Variants in ANKS1B observed in about 807,000 individuals in gnomAD.
ANKS1B encodes the protein ankyrin repeat and sterile alpha motif domain-containing protein 1B.
ANKS1B carries 36 observed loss-of-function variants against 148.3 expected under a neutral mutation model. The ratio of observed to expected loss-of-function variants is 0.24; its 90% CI spans 0.19 to 0.32. The LOEUF (loss-of-function observed/expected upper bound fraction) is 0.32, where lower values mean the gene tolerates loss of function less well. ANKS1B is among the 10% of genes least tolerant of loss of function. The pLI is 1.00. For missense variants in ANKS1B, 1,157 were observed against 1,542.6 expected (o/e 0.75, Z 4.19); for synonymous variants, 542 against 560.8 (o/e 0.97, Z 0.47).
exon 10 of ANKS1B, chr12:98,735,092 T>TGGGAAGAAAGACAAGGTAAC (rs2097767515): frequency 5.0e-6 from 2 of 397,672 alleles, no homozygotes; most frequent in South Asian, 1.3e-4. Context: ...AAAAGAAAAA[T>TGGGAAGAAAGACAAGGTAAC]GGGAAGAAAG....
chr12:99,260,475 C>G (rs1285937480), intron 12 of ANKS1B, among the ~76,000 whole-genome samples: 3 of 152,096 alleles, frequency 2.0e-5, no homozygotes, highest in Non-Finnish European at 4.4e-5. Flanking sequence ...TCAAGAGATA[C>G]TTCATTTCAA....
chr12:99,977,118 TA>T (rs1776456757), intron 1 of ANKS1B, among the ~76,000 whole-genome samples: 1 of 152,130 alleles, frequency 6.6e-6, no homozygotes, highest in African/African-American at 2.4e-5. Context: ...CCTCATGGCC[TA>T]ATCACCTCTA....
chr12:99,280,641 A>T (rs569684652), intron 12 of ANKS1B, among the ~76,000 whole-genome samples: 2 of 152,180 alleles, frequency 1.3e-5, no homozygotes, highest in Non-Finnish European at 2.9e-5. Flanking sequence ...TAGGGCAATC[A>T]GTTGAAGACT....
chr12:99,049,922 G>C (rs1205760151), intron 17 of ANKS1B, among the ~76,000 whole-genome samples: 2 of 152,058 alleles, frequency 1.3e-5, no homozygotes, highest in Non-Finnish European at 2.9e-5. Flanking sequence ...GCTGACTTTT[G>C]TATCAAAGGC....
Position 99,645,665 on chromosome 12 carries a change from A to G in ANKS1B, c.1272+9402T>C, listed in dbSNP as rs576675961. Among the ~76,000 whole-genome samples, 28 of 152,332 alleles carry G rather than the reference A, an allele frequency of 1.8e-4. No homozygotes were observed. The South Asian group carries it at 5.4e-3, about 29-fold the overall frequency. On this transcript the variant is annotated intron_variant, in intron 9 of 26. Coordinates refer to ENST00000683438, the MANE Select transcript of ANKS1B (RefSeq NM_001352186.2). ...CCACACAGAAAGCTGCTGCATTTTCATAAAAGGAATTTCTTAATCTCAAGT... is the reference window on the plus strand; with the variant it reads ...CCACACAGAAAGCTGCTGCATTTTCGTAAAAGGAATTTCTTAATCTCAAGT...
chr12:99,129,000 C>T (rs933662431), intron 15 of ANKS1B, among the ~76,000 whole-genome samples: 6 of 151,992 alleles, frequency 3.9e-5, no homozygotes, highest in Non-Finnish European at 8.8e-5. Flanking sequence ...CAGGTGGGGC[C>T]GTTTCAGGGC....
chr12:99,112,883 G>T (rs1349225452), intron 15 of ANKS1B, among the ~76,000 whole-genome samples: 1 of 152,004 alleles, frequency 6.6e-6, no homozygotes, highest in African/African-American at 2.4e-5. Flanking sequence ...ACATTTATTA[G>T]TTGCTCTTTC....
chr12:99,323,084 T>G (rs865861420), intron 12 of ANKS1B, among the ~76,000 whole-genome samples: 3 of 152,180 alleles, frequency 2.0e-5, no homozygotes, highest in African/African-American at 7.2e-5. Flanking sequence ...TACACTCAGC[T>G]TGAGTTGCTC....
chr12:99,169,166 C>G (rs933123982), intron 14 of ANKS1B, among the ~76,000 whole-genome samples: 1 of 152,038 alleles, frequency 6.6e-6, no homozygotes, highest in African/African-American at 2.4e-5. Context: ...GAATTTATAG[C>G]CTTGTGGAGA....
chr12:99,106,077 C>T (rs1566108856), intron 15 of ANKS1B, among the ~76,000 whole-genome samples: 1 of 152,170 alleles, frequency 6.6e-6, no homozygotes. Context: ...CCTGACAGAT[C>T]CTTTACTAGG....
Position 99,775,673 on chromosome 12 carries a change from C to T in ANKS1B, c.848-12G>A, listed in dbSNP as rs750363983. ...GCCTTCTAAATACTCTGTGTGTATA[C>T]ATTTTTGAGATTACATACTTGAATT... On this transcript the variant is annotated splice_polypyrimidine_tract_variant and intron_variant, in intron 6 of 26. Transcript: ENST00000683438. The T allele has an allele frequency of 4.9e-6, 7 of 1,440,798 alleles. No homozygotes were observed. Among genetic ancestry groups the T allele is most frequent in the Non-Finnish European group, 5.7e-6 (6 of 1,046,568 alleles). 89.3% of individuals were successfully genotyped at this position (1,440,798 alleles called of 1,614,324 possible). A position where few individuals can be genotyped will look rare whatever the true frequency, so the allele number is the denominator to read the frequency against.
At chr12:99,109,484 G>A (rs778576894) in intron 15 of ANKS1B, among the ~76,000 whole-genome samples, 1 of 152,112 alleles carries the variant, frequency 6.6e-6, no homozygotes, top group East Asian at 1.9e-4. Flanking sequence ...TAAGCTTGAG[G>A]AAGTTATCTC....
intron 17 of ANKS1B, among the ~76,000 whole-genome samples, chr12:98,890,021 G>T (rs1485217661): frequency 1.3e-5 from 2 of 152,126 alleles, no homozygotes; most frequent in African/African-American, 2.4e-5. Context: ...GAGGAAAGAA[G>T]AAATTAGTGA....
At chr12:99,619,127 T>C (rs1025425676) in intron 9 of ANKS1B, among the ~76,000 whole-genome samples, 14 of 152,048 alleles carry the variant, frequency 9.2e-5, no homozygotes, top group South Asian at 8.3e-4. Context: ...CTCTGCCTCA[T>C]ACCCAGGCAG....
At chr12:99,964,601 A>G (rs2095461620) in intron 1 of ANKS1B, among the ~76,000 whole-genome samples, 1 of 152,172 alleles carries the variant, frequency 6.6e-6, no homozygotes, top group Non-Finnish European at 1.5e-5. Flanking sequence ...ATGATATGAG[A>G]GGGTTAGAAC....
intron 17 of ANKS1B, among the ~76,000 whole-genome samples, chr12:99,025,390 C>T (rs916972436): frequency 6.6e-5 from 10 of 152,136 alleles, no homozygotes; most frequent in African/African-American, 2.4e-4. Flanking sequence ...GTTTTGAGTT[C>T]ATTTGAAAGA....
intron 16 of ANKS1B, among the ~76,000 whole-genome samples, chr12:99,071,580 C>T (rs923203304): frequency 1.3e-5 from 2 of 152,126 alleles, no homozygotes; most frequent in South Asian, 4.1e-4. Flanking sequence ...ATATTGAGTC[C>T]TTGCTTCTAA....
At chr12:99,054,935 TTGAC>T (rs1422240233) in intron 16 of ANKS1B, among the ~76,000 whole-genome samples, 2 of 152,262 alleles carry the variant, frequency 1.3e-5, no homozygotes, top group Non-Finnish European at 2.9e-5. Flanking sequence ...CACTTTTACA[TTGAC>T]TGACCCATTT....
At chr12:99,879,180 T>C (rs1050982864) in intron 1 of ANKS1B, among the ~76,000 whole-genome samples, 4 of 152,144 alleles carry the variant, frequency 2.6e-5, no homozygotes, top group African/African-American at 9.7e-5. Context: ...TCTACAGAGT[T>C]TTTCTCTGAA....
Sources: gnomAD v4.1 joint callset for allele counts (sites outside exome capture counted in the v4.1 genomes callset) on GRCh38, gnomAD v4.1.1 for gene constraint, MANE v1.5 for transcripts, NCBI Gene and HGNC (gene_info 2026-07-23, HGNC 2026-07-21) for gene names.